The following LRRC4C variants were observed in gnomAD, a reference collection of about 807,000 sequenced individuals.
The protein encoded by LRRC4C is leucine rich repeat containing 4C, also known as leucine-rich repeat-containing protein 4C.
LRRC4C carries 5 observed loss-of-function variants against 33.6 expected under a neutral mutation model. The observed-to-expected ratio is 0.15, with a 90% CI of 0.08 to 0.31. LRRC4C has a LOEUF of 0.31. LRRC4C is among the 10% of genes least tolerant of loss of function. The pLI, the probability that LRRC4C is intolerant of heterozygous loss-of-function variation, is 1.00. For synonymous variants in LRRC4C, 329 were observed against 302.0 expected (o/e 1.09, Z -0.93); for missense variants, 560 against 796.7 (o/e 0.70, Z 3.58).
At chr11:40,975,604 TA>T (rs1482969524) in intron 1 of LRRC4C, among the ~76,000 whole-genome samples, 1 of 152,214 alleles carries the variant, frequency 6.6e-6, no homozygotes, top group Non-Finnish European at 1.5e-5. Flanking sequence ...TAAATATGCT[TA>T]GCCTCTACCA....
chr11:41,312,398 A>G (rs1950667762), intron 1 of LRRC4C, among the ~76,000 whole-genome samples: 1 of 152,198 alleles, frequency 6.6e-6, no homozygotes, highest in South Asian at 2.1e-4. Flanking sequence ...ACCAGTACAG[A>G]GTAATGTTTA....
At chr11:40,850,786 C>T (rs1379914822) in intron 2 of LRRC4C, among the ~76,000 whole-genome samples, 1 of 152,154 alleles carries the variant, frequency 6.6e-6, no homozygotes, top group Admixed American at 6.6e-5. Context: ...ATCTATAAGT[C>T]CCTGACTGAG....
intron 3 of LRRC4C, among the ~76,000 whole-genome samples, chr11:40,512,958 A>G (rs1955391303): frequency 6.6e-6 from 1 of 152,084 alleles, no homozygotes; most frequent in South Asian, 2.1e-4. Context: ...TTGAAAATCT[A>G]CTGTAACAAG....
intron 1 of LRRC4C, among the ~76,000 whole-genome samples, chr11:41,087,317 T>G (rs943134391): frequency 6.6e-6 from 1 of 152,016 alleles, no homozygotes; most frequent in African/African-American, 2.4e-5. Context: ...GCAGTTGGAG[T>G]GACATTGTTA....
chr11:40,743,206 G>A (rs1233653286), intron 2 of LRRC4C, among the ~76,000 whole-genome samples: 3 of 152,050 alleles, frequency 2.0e-5, no homozygotes, highest in Non-Finnish European at 4.4e-5. Context: ...GATATCAACA[G>A]TGAAAGCATG....
intron 5 of LRRC4C, among the ~76,000 whole-genome samples, chr11:40,210,243 ACTCCGT>A (rs1166845135): frequency 5.3e-5 from 8 of 150,168 alleles, no homozygotes; most frequent in African/African-American, 2.0e-4. Context: ...ACAGAGCGAG[ACTCCGT>A]CTCAAAAAAA....
chr11:41,375,724 T>C (rs1484040042), intron 1 of LRRC4C, among the ~76,000 whole-genome samples: 1 of 152,112 alleles, frequency 6.6e-6, no homozygotes, highest in African/African-American at 2.4e-5. Flanking sequence ...TTAATAGCTA[T>C]CATGGCAGAG....
intron 1 of LRRC4C, among the ~76,000 whole-genome samples, chr11:40,969,762 C>T (rs536305431): frequency 1.2e-4 from 19 of 152,138 alleles, no homozygotes; most frequent in Non-Finnish European, 2.4e-4. Context: ...TATATAAACA[C>T]AGAAATTAAA....
At chr11:41,339,158 G>A (rs1296445694) in intron 1 of LRRC4C, among the ~76,000 whole-genome samples, 1 of 151,964 alleles carries the variant, frequency 6.6e-6, no homozygotes, top group African/African-American at 2.4e-5. Context: ...TACTTCATTG[G>A]TCTTCACTTT....
intron 2 of LRRC4C, among the ~76,000 whole-genome samples, chr11:40,855,090 A>T (rs765699428): frequency 6.6e-6 from 1 of 152,188 alleles, no homozygotes; most frequent in African/African-American, 2.4e-5. Flanking sequence ...AATAAAACCC[A>T]TAATCCAAAA....
chr11:40,384,644 A>G (rs1210904085), intron 3 of LRRC4C, among the ~76,000 whole-genome samples: 2 of 152,216 alleles, frequency 1.3e-5, no homozygotes, highest in East Asian at 3.9e-4. Context: ...TCTATTGAAG[A>G]AACAGACTTC....
At chr11:40,120,288 C>T in intron 6 of LRRC4C, among the ~76,000 whole-genome samples, 1 of 152,310 alleles carries the variant, frequency 6.6e-6, no homozygotes, top group African/African-American at 2.4e-5. Flanking sequence ...ACCCCTGCCC[C>T]ATTTATATCA....
At chr11:40,813,377 A>G (rs1951573665) in intron 2 of LRRC4C, among the ~76,000 whole-genome samples, 1 of 152,168 alleles carries the variant, frequency 6.6e-6, no homozygotes, top group Non-Finnish European at 1.5e-5. Context: ...GAGCTTGTGC[A>G]GGGGAACTCC....
intron 2 of LRRC4C, among the ~76,000 whole-genome samples, chr11:40,715,971 GT>G (rs1291023217): frequency 1.3e-5 from 2 of 151,912 alleles, no homozygotes; most frequent in Non-Finnish European, 2.9e-5. Context: ...ATGAACAGAA[GT>G]TGCACTGAGC....
intron 3 of LRRC4C, among the ~76,000 whole-genome samples, chr11:40,549,302 C>T (rs567181987): frequency 1.6e-4 from 24 of 152,286 alleles, no homozygotes; most frequent in African/African-American, 5.8e-4. Context: ...TCACTATTCT[C>T]ATGTCAACTG....
At chr11:41,179,539 T>G (rs1945354016) in intron 1 of LRRC4C, among the ~76,000 whole-genome samples, 1 of 152,174 alleles carries the variant, frequency 6.6e-6, no homozygotes, top group Non-Finnish European at 1.5e-5. Flanking sequence ...CTCTCTACTT[T>G]CCTCGTATTT....
At chr11:40,602,228 G>A (rs1960094772) in intron 3 of LRRC4C, among the ~76,000 whole-genome samples, 1 of 149,146 alleles carries the variant, frequency 6.7e-6, no homozygotes, top group Non-Finnish European at 1.5e-5. Flanking sequence ...AAAGAGGTAT[G>A]TGAACTAACT....
At chr11:41,238,447 A>G (rs796395894) in intron 1 of LRRC4C, among the ~76,000 whole-genome samples, 4 of 152,316 alleles carry the variant, frequency 2.6e-5, no homozygotes, top group African/African-American at 9.6e-5. Flanking sequence ...GTTACTATTA[A>G]TACTTGTATT....
intron 1 of LRRC4C, among the ~76,000 whole-genome samples, chr11:41,317,319 A>T (rs2137239184): frequency 6.6e-6 from 1 of 152,164 alleles, no homozygotes. Flanking sequence ...AATTAAAATG[A>T]GATTATGCAT....
Sources: allele counts gnomAD v4.1 joint callset (sites outside exome capture counted in the v4.1 genomes callset), GRCh38; gene constraint gnomAD v4.1.1; transcripts MANE v1.5; gene names NCBI Gene and HGNC (gene_info 2026-07-23, HGNC 2026-07-21).